The following LRMDA variants were observed in gnomAD, a reference collection of about 807,000 sequenced individuals.
LRMDA encodes leucine-rich melanocyte differentiation-associated protein.
LRMDA carries 18 observed loss-of-function variants against 29.8 expected under a neutral mutation model. That is an observed-to-expected ratio of 0.60 (90% CI 0.42 to 0.90). The LOEUF is 0.90. LRMDA is among the 40% of genes least tolerant of loss of function. LRMDA has a pLI of 0.00. For synonymous variants in LRMDA, 125 were observed against 109.4 expected (o/e 1.14, Z -0.89); for missense variants, 273 against 273.9 (o/e 1.00, Z 0.02).
intron 2 of LRMDA, among the ~76,000 whole-genome samples, chr10:75,973,702 G>A (rs1404394677): frequency 6.6e-6 from 1 of 152,188 alleles, no homozygotes. Flanking sequence ...TTACAGGTGT[G>A]AGCCATCATG....
intron 2 of LRMDA, among the ~76,000 whole-genome samples, chr10:75,589,419 C>T (rs1359601396): frequency 6.6e-6 from 1 of 152,110 alleles, no homozygotes; most frequent in African/African-American, 2.4e-5. Context: ...ACTACATGAT[C>T]ATATCCTTTG....
At chr10:75,631,410 C>CT (rs1485216823) in intron 2 of LRMDA, among the ~76,000 whole-genome samples, 1 of 152,010 alleles carries the variant, frequency 6.6e-6, no homozygotes, top group African/African-American at 2.4e-5. Flanking sequence ...TGCACCCCCC[C>CT]CGCCCCGCCA....
chr10:76,379,377 G>A (rs186982343), intron 6 of LRMDA, among the ~76,000 whole-genome samples: 2 of 152,110 alleles, frequency 1.3e-5, no homozygotes, highest in East Asian at 3.9e-4. Flanking sequence ...TGATTGTTAG[G>A]AGATTTTTTA....
At chr10:75,878,278 T>C (rs1845233459) in intron 2 of LRMDA, among the ~76,000 whole-genome samples, 2 of 145,792 alleles carry the variant, frequency 1.4e-5, no homozygotes, top group African/African-American at 5.2e-5. Flanking sequence ...TGCAAGGTTT[T>C]ATTGAGTGGT....
chr10:76,290,028 A>G (rs2132345995), intron 5 of LRMDA, among the ~76,000 whole-genome samples: 1 of 152,322 alleles, frequency 6.6e-6, no homozygotes, highest in South Asian at 2.1e-4. Context: ...AATTTTTAGG[A>G]CAAGATTAAA....
intron 2 of LRMDA, among the ~76,000 whole-genome samples, chr10:75,595,580 A>G (rs1053068502): frequency 6.7e-6 from 1 of 149,138 alleles, no homozygotes; most frequent in Non-Finnish European, 1.5e-5. Flanking sequence ...TAATATATAT[A>G]ATTATAATTT....
At position 75,773,105 on chromosome 10, in the gene LRMDA, ATTGT is replaced by A. The variant is rs1843266227; in HGVS notation, c.132-262897_132-262894del. Among the ~76,000 whole-genome samples the A allele has an allele frequency of 3.9e-5, 6 of 152,272 alleles. No homozygotes were observed. In the South Asian group the frequency reaches 1.2e-3, roughly 32 times the overall value. On this transcript the variant is annotated intron_variant, in intron 2 of 6. Transcript: ENST00000611255. ...CCACTGTTGACATTTTAGGTAGAAA[ATTGT>A]TTGTTATGGGGGACTGTCTCATATG...
rs559589705 is a variant in LRMDA, at chr10:75,930,403, T to C, written c.132-105605T>C. On this transcript the variant is annotated intron_variant, in intron 2 of 6. Transcript: ENST00000611255. Reference sequence around the variant, plus strand: ...CCTTTGCACACTGCAGGTGAGAGCATAGATTGGTGCAGCCATTTGGAGAAA... The same window carrying C: ...CCTTTGCACACTGCAGGTGAGAGCACAGATTGGTGCAGCCATTTGGAGAAA... 4.6e-5 allele frequency among the ~76,000 whole-genome samples: 7 copies of C among 152,258 alleles called. No individual in the cohort carries two copies. In the South Asian group the frequency reaches 1.0e-3, roughly 23 times the overall value.
At chr10:75,888,020 A>G (rs1383955745) in intron 2 of LRMDA, among the ~76,000 whole-genome samples, 9 of 152,320 alleles carry the variant, frequency 5.9e-5, no homozygotes, top group Admixed American at 5.2e-4. Flanking sequence ...GGATTCTATT[A>G]CTATGTAAGA....
At chr10:76,509,133 T>A (rs1010926432) in intron 6 of LRMDA, among the ~76,000 whole-genome samples, 5 of 152,188 alleles carry the variant, frequency 3.3e-5, no homozygotes, top group Non-Finnish European at 7.3e-5. Context: ...TCAGTATTCA[T>A]AAACACCCAC....
intron 2 of LRMDA, among the ~76,000 whole-genome samples, chr10:75,704,466 G>A (rs1842343377): frequency 6.6e-6 from 1 of 152,150 alleles, no homozygotes; most frequent in Admixed American, 6.5e-5. Flanking sequence ...GTTAATCTTG[G>A]AAATGGCATG....
At chr10:75,713,590 A>G (rs191658306) in intron 2 of LRMDA, among the ~76,000 whole-genome samples, 2 of 152,252 alleles carry the variant, frequency 1.3e-5, no homozygotes, top group African/African-American at 2.4e-5. Context: ...AAAAATGAAT[A>G]GGGAACTTAT....
chr10:76,525,698 T>A (rs527591324), intron 6 of LRMDA, among the ~76,000 whole-genome samples: 1 of 152,306 alleles, frequency 6.6e-6, no homozygotes, highest in Non-Finnish European at 1.5e-5. Flanking sequence ...GTGTTAGTTG[T>A]TTTACATATA....
chr10:75,950,620 C>G (rs1259960404), intron 2 of LRMDA, among the ~76,000 whole-genome samples: 1 of 152,212 alleles, frequency 6.6e-6, no homozygotes, highest in Non-Finnish European at 1.5e-5. Context: ...GAGATGTTTT[C>G]TCTTTCTGCT....
In LRMDA at chr10:76,052,541, A is replaced by G. The variant is rs1424780517; in HGVS notation, c.398+5238A>G. ...AAAAATGCCTGAGTGTTGGGACTAGAGCAGAGAAAATTGATTTTGGAAAGA... is the reference window on the plus strand; with the variant it reads ...AAAAATGCCTGAGTGTTGGGACTAGGGCAGAGAAAATTGATTTTGGAAAGA... On this transcript the variant is annotated intron_variant, in intron 4 of 6. Transcript: ENST00000611255. Among the ~76,000 whole-genome samples the G allele has an allele frequency of 8.5e-5, 13 of 152,218 alleles. 1 individual carries two copies. In the South Asian group the frequency reaches 2.7e-3, roughly 32 times the overall value.
At chr10:75,489,715 G>C (rs1013659617) in intron 2 of LRMDA, among the ~76,000 whole-genome samples, 1 of 152,100 alleles carries the variant, frequency 6.6e-6, no homozygotes, top group Non-Finnish European at 1.5e-5. Flanking sequence ...GATTGTTTGG[G>C]GTTTGTAGTT....
Position 75,774,551 on chromosome 10 carries a change from C to T in LRMDA, c.132-261457C>T, listed in dbSNP as rs930889927. ...TTCTGTATGCAGGCCAAGTTGAGAA[C>T]GATGAGGAGCAGACTGTTTTATAGA... On this transcript the variant is annotated intron_variant, in intron 2 of 6. Transcript: ENST00000611255. Among the ~76,000 whole-genome samples the T allele has an allele frequency of 1.1e-4, 17 of 152,114 alleles. 1 individual carries two copies. The highest frequency in any genetic ancestry group is 3.9e-4 in the East Asian group (2 of 5,166).
intron 6 of LRMDA, among the ~76,000 whole-genome samples, chr10:76,552,882 T>C (rs958403765): frequency 7.2e-5 from 11 of 152,218 alleles, no homozygotes; most frequent in African/African-American, 2.7e-4. Flanking sequence ...TCTCTGGTAC[T>C]GACCCTGCAG....
At chr10:76,161,675 A>G (rs1850650265) in intron 5 of LRMDA, among the ~76,000 whole-genome samples, 1 of 152,206 alleles carries the variant, frequency 6.6e-6, no homozygotes, top group Non-Finnish European at 1.5e-5. Context: ...AGAAAGGGTC[A>G]CCGATGAGGC....
Sources: gnomAD v4.1 joint callset for allele counts (sites outside exome capture counted in the v4.1 genomes callset) on GRCh38, gnomAD v4.1.1 for gene constraint, MANE v1.5 for transcripts, NCBI Gene and HGNC (gene_info 2026-07-23, HGNC 2026-07-21) for gene names.